The following ATF6 variants were observed in gnomAD, a reference collection of about 807,000 sequenced individuals.
The protein encoded by ATF6 is activating transcription factor 6.
Under a neutral mutation model 83.6 loss-of-function variants are expected in ATF6, and 53 were observed. The ratio of observed to expected loss-of-function variants is 0.63; its 90% confidence interval spans 0.51 to 0.80. ATF6 has a LOEUF of 0.80. Among genes scored for constraint, ATF6 ranks in the 30% least tolerant of loss-of-function variants. The probability of loss-of-function intolerance (pLI) is 0.00; values close to 1 mark genes in which losing one functional copy is unlikely to be tolerated. For synonymous variants in ATF6, 288 were observed against 285.8 expected (o/e 1.01, Z -0.08); for missense variants, 744 against 797.9 (o/e 0.93, Z 0.81).
intron 11 of ATF6, 133 bp from the exon 12 acceptor site, chr1:161,853,091 A>T (rs1332167952): frequency 3.2e-6 from 2 of 616,932 alleles, no homozygotes; most frequent in Non-Finnish European, 5.5e-6. Context: ...AAAAAGCAAT[A>T]TTGAGTCATC....
At chr1:161,821,869 A>T (rs978858685) in intron 9 of ATF6, among the ~76,000 whole-genome samples, 1 of 152,194 alleles carries the variant, frequency 6.6e-6, no homozygotes, top group Non-Finnish European at 1.5e-5. Context: ...CAGGTAATAA[A>T]TGAGAGTCTG....
chr1:161,953,583 G>A (rs187150225), intron 15 of ATF6, among the ~76,000 whole-genome samples: 1 of 152,146 alleles, frequency 6.6e-6, no homozygotes, highest in Non-Finnish European at 1.5e-5. Context: ...CCTGCCTTTG[G>A]ACACTTCCCA....
chr1:161,766,384 C>A lies in ATF6; in HGVS notation c.24C>A (p.Ala8=), dbSNP rs776006837. 6.2e-7 allele frequency: 1 copy of A among 1,612,674 alleles called. No homozygotes were observed. Among genetic ancestry groups the A allele is most frequent in the African/African-American group, 1.3e-5 (1 of 74,884 alleles). MGEPAGV[A]GTMESPFSPG... ...AAATGGGGGAGCCGGCTGGGGTTGC[C>A]GGCACCATGGAGTCACCTTTTAGCC... The change falls in exon 1 of 16, where the codon GCC becomes GCA. Residue 8 remains alanine (A), a synonymous_variant. Coordinates refer to ENST00000367942, the MANE Select transcript of ATF6 (RefSeq NM_007348.4).
Position 161,791,502 on chromosome 1 carries a change from A to C in ATF6, c.449A>C (p.Glu150Ala), listed in dbSNP as rs1684880971. ...NSLSSAEPLK[E>A]DKPVTGPRNK... ...CTCTCTTCAGCGGAGCCACTGAAGG[A>C]AGATAAGCCTGTCACTGGTCCTAGG... The change falls in exon 5 of 16, where the codon GAA becomes GCA. Residue 150 changes from glutamate to alanine, a missense_variant. Transcript: ENST00000367942. 2 of 1,612,454 alleles carry C rather than the reference A, an allele frequency of 1.2e-6. No homozygotes were observed. The highest frequency in any genetic ancestry group is 1.7e-6 in the Non-Finnish European group (2 of 1,179,644).
intron 7 of ATF6, among the ~76,000 whole-genome samples, chr1:161,810,617 T>C (rs1045951941): frequency 1.3e-5 from 2 of 152,162 alleles, no homozygotes; most frequent in Non-Finnish European, 2.9e-5. Context: ...TCTTTTTTTT[T>C]TTAACAGCTT....
intron 14 of ATF6, among the ~76,000 whole-genome samples, chr1:161,910,327 C>T (rs985899515): frequency 1.3e-5 from 2 of 152,124 alleles, no homozygotes; most frequent in Admixed American, 1.3e-4. Context: ...AAAACTGTTA[C>T]CCCAGTTTGC....
intron 7 of ATF6, among the ~76,000 whole-genome samples, chr1:161,807,918 T>G (rs183323449): frequency 9.0e-4 from 121 of 134,676 alleles, no homozygotes; most frequent in Non-Finnish European, 1.6e-3. Flanking sequence ...CTTGCTCTGT[T>G]GCCCAGGCTG....
intron 7 of ATF6, among the ~76,000 whole-genome samples, chr1:161,810,186 A>G (rs1373339250): frequency 6.6e-6 from 1 of 152,166 alleles, no homozygotes; most frequent in Non-Finnish European, 1.5e-5. Context: ...AAACTGAGTG[A>G]TTTATAAAGA....
intron 14 of ATF6, among the ~76,000 whole-genome samples, chr1:161,905,039 T>C (rs1465317472): frequency 6.6e-6 from 1 of 152,230 alleles, no homozygotes; most frequent in Non-Finnish European, 1.5e-5. Flanking sequence ...TCAAAATTGC[T>C]TTGAAAAGGA....
intron 7 of ATF6, among the ~76,000 whole-genome samples, chr1:161,809,775 A>G (rs917198031): frequency 6.6e-6 from 1 of 152,084 alleles, no homozygotes. Context: ...TTTGATTTGC[A>G]TTTCTCTGAT....
intron 14 of ATF6, among the ~76,000 whole-genome samples, chr1:161,869,523 C>T (rs1440897515): frequency 6.6e-6 from 1 of 151,448 alleles, no homozygotes; most frequent in Non-Finnish European, 1.5e-5. Flanking sequence ...CAAATTCTAG[C>T]TGGAAAAAAA....
chr1:161,912,226 C>A, intron 14 of ATF6, 70 bp from the exon 15 acceptor site: 1 of 951,664 alleles, frequency 1.1e-6, no homozygotes, highest in Non-Finnish European at 1.5e-6. Context: ...CTCTTAGAAG[C>A]CCTGAATTTG....
chr1:161,811,500 G>A (rs1244377139), intron 7 of ATF6, among the ~76,000 whole-genome samples: 1 of 152,048 alleles, frequency 6.6e-6, no homozygotes, highest in Non-Finnish European at 1.5e-5. Flanking sequence ...TTAAACTTTG[G>A]TTATTGTATG....
chr1:161,899,361 C>T (rs1262927026), intron 14 of ATF6, among the ~76,000 whole-genome samples: 1 of 152,140 alleles, frequency 6.6e-6, no homozygotes, highest in African/African-American at 2.4e-5. Flanking sequence ...CTATTAACAG[C>T]TTCAGTAATT....
chr1:161,853,746 A>G (rs1686696366), intron 12 of ATF6, among the ~76,000 whole-genome samples: 1 of 152,236 alleles, frequency 6.6e-6, no homozygotes, highest in Admixed American at 6.5e-5. Context: ...GAACTTAGAC[A>G]TTTACTACTA....
intron 6 of ATF6, among the ~76,000 whole-genome samples, chr1:161,792,610 AG>A (rs1199890337): frequency 1.3e-5 from 2 of 152,142 alleles, no homozygotes; most frequent in East Asian, 1.9e-4. Context: ...ACAAATTTTA[AG>A]CTAGTTGAAG....
chr1:161,809,378 C>CT (rs950012633), intron 7 of ATF6, among the ~76,000 whole-genome samples: 1 of 152,082 alleles, frequency 6.6e-6, no homozygotes, highest in Non-Finnish European at 1.5e-5. Context: ...TGAACTTATC[C>CT]TTTTTTATGG....
At chr1:161,898,765 C>G (rs1687726439) in intron 14 of ATF6, among the ~76,000 whole-genome samples, 1 of 152,134 alleles carries the variant, frequency 6.6e-6, no homozygotes, top group Non-Finnish European at 1.5e-5. Flanking sequence ...CCAGACCGGT[C>G]TTGAACTCCT....
chr1:161,947,011 G>A (rs1688760562), intron 15 of ATF6, among the ~76,000 whole-genome samples: 2 of 152,132 alleles, frequency 1.3e-5, no homozygotes, highest in Non-Finnish European at 1.5e-5. Flanking sequence ...CGGTATATGT[G>A]TAAGAATGAC....
Sources: allele counts gnomAD v4.1 joint callset (sites outside exome capture counted in the v4.1 genomes callset), GRCh38; gene constraint gnomAD v4.1.1; transcripts MANE v1.5; gene names NCBI Gene and HGNC (gene_info 2026-07-23, HGNC 2026-07-21).